Variants in RABGAP1L observed in about 807,000 individuals in gnomAD.
RABGAP1L encodes rab GTPase-activating protein 1-like.
In RABGAP1L, 63 loss-of-function variants were observed where a neutral mutation model predicts 137.7. That is an observed-to-expected ratio of 0.46 (90% CI 0.37 to 0.56). The LOEUF is 0.56. Ranked by LOEUF, RABGAP1L falls within the 20% of genes least tolerant of loss-of-function variation. RABGAP1L has a pLI of 0.00. For missense variants in RABGAP1L, 1,095 were observed against 1,244.0 expected, an observed-to-expected ratio of 0.88 and a Z score of 1.80; for synonymous variants, 431 against 433.7, an observed-to-expected ratio of 0.99 and a Z score of 0.08.
chr1:174,434,079 G>A (rs559757154), intron 13 of RABGAP1L, among the ~76,000 whole-genome samples: 1 of 149,932 alleles, frequency 6.7e-6, no homozygotes, highest in South Asian at 2.1e-4. Context: ...ACTGGTACAT[G>A]TGTGCACATG....
chr1:174,573,221 C>T (rs376535173), intron 13 of RABGAP1L, among the ~76,000 whole-genome samples: 54 of 144,004 alleles, frequency 3.7e-4, no homozygotes, highest in Non-Finnish European at 5.9e-4. Context: ...CATATATACA[C>T]ACTATATATG....
At chr1:174,626,665 C>A (rs969729717) in intron 13 of RABGAP1L, among the ~76,000 whole-genome samples, 1 of 152,124 alleles carries the variant, frequency 6.6e-6, no homozygotes, top group Non-Finnish European at 1.5e-5. Flanking sequence ...AGACTCCCCC[C>A]ACCCCATATT....
At chr1:174,315,372 G>A (rs909637077) in intron 11 of RABGAP1L, among the ~76,000 whole-genome samples, 7 of 151,640 alleles carry the variant, frequency 4.6e-5, no homozygotes, top group Admixed American at 2.0e-4. Flanking sequence ...TTTATTCTCC[G>A]TCTATATGTG....
intron 13 of RABGAP1L, among the ~76,000 whole-genome samples, chr1:174,416,037 C>CACATATACATACACAT (rs1483801335): frequency 7.9e-6 from 1 of 126,268 alleles, no homozygotes; most frequent in African/African-American, 3.7e-5. Flanking sequence ...TATATATATA[C>CACATATACATACACAT]ACACACATTT....
chr1:174,577,261 A>G (rs1668444317), intron 13 of RABGAP1L, among the ~76,000 whole-genome samples: 1 of 129,202 alleles, frequency 7.7e-6, no homozygotes, highest in Non-Finnish European at 1.7e-5. Context: ...ACACACACAC[A>G]CACATTGAGA....
At chr1:174,547,768 C>A in intron 13 of RABGAP1L, 1 of 1,267,772 alleles carries the variant, frequency 7.9e-7, no homozygotes, top group Non-Finnish European at 1.1e-6. Flanking sequence ...TTTAAATTGA[C>A]GTTAGATGCA....
chr1:174,776,031 T>C (rs1315060809), intron 18 of RABGAP1L, among the ~76,000 whole-genome samples: 1 of 152,180 alleles, frequency 6.6e-6, no homozygotes, highest in Non-Finnish European at 1.5e-5. Context: ...TTCTAATTTC[T>C]AAGAACTACA....
At chr1:174,875,084 G>T (rs1652861772) in intron 19 of RABGAP1L, among the ~76,000 whole-genome samples, 1 of 152,188 alleles carries the variant, frequency 6.6e-6, no homozygotes, top group Non-Finnish European at 1.5e-5. Flanking sequence ...AGAACAATCT[G>T]TTGAAGGTTA....
chr1:174,874,536 A>C (rs1398406774), intron 19 of RABGAP1L: 2 of 963,906 alleles, frequency 2.1e-6, no homozygotes, highest in East Asian at 2.3e-4. Flanking sequence ...GGTATTGTCC[A>C]CACCACAGCC....
chr1:174,785,844 T>C (rs2148781226), intron 18 of RABGAP1L, among the ~76,000 whole-genome samples: 1 of 152,368 alleles, frequency 6.6e-6, no homozygotes, highest in Middle Eastern at 3.4e-3. Flanking sequence ...ATTAGACTTT[T>C]AGTTCTTGAA....
intron 10 of RABGAP1L, among the ~76,000 whole-genome samples, chr1:174,289,057 G>T (rs1489150914): frequency 1.3e-5 from 2 of 152,038 alleles, no homozygotes; most frequent in Non-Finnish European, 1.5e-5. Context: ...TGTAAAGAGG[G>T]TGCAGGGTCT....
chr1:174,525,448 A>G (rs1476386877), intron 13 of RABGAP1L, among the ~76,000 whole-genome samples: 2 of 151,594 alleles, frequency 1.3e-5, no homozygotes, highest in African/African-American at 4.8e-5. Context: ...CTATTTCATT[A>G]TTGGTGTCTA....
intron 7 of RABGAP1L, among the ~76,000 whole-genome samples, chr1:174,261,280 T>TG (rs1035786247): frequency 2.0e-5 from 3 of 152,126 alleles, no homozygotes; most frequent in Non-Finnish European, 2.9e-5. Flanking sequence ...CACATTGATT[T>TG]GGGGGGATAC....
At chr1:174,449,202 A>C (rs779648374) in intron 13 of RABGAP1L, 5 of 1,561,626 alleles carry the variant, frequency 3.2e-6, no homozygotes, top group Non-Finnish European at 4.3e-6. Context: ...ATTTGAAGAG[A>C]GCTACATAGT....
At position 174,893,001 on chromosome 1, in the gene RABGAP1L, C is replaced by T. The variant is rs548973434; in HGVS notation, c.2341-64456C>T. ...CCTCATGTGGTCTGCCAGCCTCAGC[C>T]TCCCAAAGTGCTGGGGTTACAGGCA... On this transcript the variant is annotated intron_variant, in intron 19 of 25. Transcript: ENST00000681986. 1.1e-4 allele frequency: 21 copies of T among 199,790 alleles called. No individual in the cohort carries two copies. In the East Asian group the frequency reaches 3.0e-3, roughly 29 times the overall value. 12.4% of individuals were successfully genotyped at this position (199,790 alleles called of 1,614,324 possible).
chr1:174,534,483 ATAAC>A lies in RABGAP1L; in HGVS notation c.1711-102889_1711-102886del, dbSNP rs1344483015. On this transcript the variant is annotated intron_variant, in intron 13 of 25. Transcript: ENST00000681986. ...AAACAATAACTAATAATAAAATAGAATAACTAGAGCAGGCCAGGCAAGGTGACTC... is the reference window on the plus strand; with the variant it reads ...AAACAATAACTAATAATAAAATAGAATAGAGCAGGCCAGGCAAGGTGACTC... 3.3e-5 allele frequency among the ~76,000 whole-genome samples: 5 copies of A among 152,162 alleles called. No individual in the cohort carries two copies. In the East Asian group the frequency reaches 7.7e-4, roughly 23 times the overall value.
At position 174,906,484 on chromosome 1, in the gene RABGAP1L, G is replaced by A. The variant is rs985881255; in HGVS notation, c.2341-50973G>A. Among the ~76,000 whole-genome samples, 8 of 151,902 alleles carry A rather than the reference G, an allele frequency of 5.3e-5. 1 individual carries two copies. The highest frequency in any genetic ancestry group is 4.1e-4 in the South Asian group (2 of 4,824). ...CTCTACTAAAAATACAAAAATTAGCGGGGTGTGGTGGCAGATGCCTATAAT... is the reference window on the plus strand; with the variant it reads ...CTCTACTAAAAATACAAAAATTAGCAGGGTGTGGTGGCAGATGCCTATAAT... On this transcript the variant is annotated intron_variant, in intron 19 of 25. Coordinates refer to ENST00000681986, the MANE Select transcript of RABGAP1L (RefSeq NM_001366446.1).
intron 19 of RABGAP1L, among the ~76,000 whole-genome samples, chr1:174,880,172 T>G (rs2149084314): frequency 6.6e-6 from 1 of 152,286 alleles, no homozygotes; most frequent in South Asian, 2.1e-4. Context: ...ATAATTTATG[T>G]TTTTATAATT....
At chr1:174,868,480 C>G (rs540732591) in intron 19 of RABGAP1L, among the ~76,000 whole-genome samples, 3 of 152,074 alleles carry the variant, frequency 2.0e-5, no homozygotes, top group Non-Finnish European at 4.4e-5. Context: ...TTGGTCAGTT[C>G]TTAGTTTCTG....
Sources: gnomAD v4.1 joint callset for allele counts (sites outside exome capture counted in the v4.1 genomes callset) on GRCh38, gnomAD v4.1.1 for gene constraint, MANE v1.5 for transcripts, NCBI Gene and HGNC (gene_info 2026-07-23, HGNC 2026-07-21) for gene names.